ACYP2: variants seen among roughly 807,000 people sequenced by gnomAD.
ACYP2 encodes the protein acylphosphatase-2.
In ACYP2, 12 loss-of-function variants were observed where a neutral mutation model predicts 11.2. The ratio of observed to expected loss-of-function variants is 1.08; its 90% CI spans 0.69 to 1.74. The LOEUF is 1.74. Among genes scored for constraint, ACYP2 ranks in the 40% most tolerant of loss-of-function variants. The pLI is 0.00. For synonymous variants in ACYP2, 43 were observed against 32.2 expected (o/e 1.33, Z -1.13); for missense variants, 134 against 101.9 (o/e 1.31, Z -1.35).
intron 4 of ACYP2, among the ~76,000 whole-genome samples, chr2:54,066,505 A>C (rs193258359): frequency 2.0e-5 from 3 of 152,324 alleles, no homozygotes; most frequent in African/African-American, 7.2e-5. Context: ...TCCAATAAGG[A>C]AATTGAGGTT....
rs74706226 is a variant in ACYP2, at chr2:54,229,628, A to G, written c.405-75060A>G. Among the ~76,000 whole-genome samples the G allele has an allele frequency of 7.8e-3, 1,184 of 152,308 alleles. 14 individuals carry two copies. Among genetic ancestry groups the G allele is most frequent in the African/African-American group, 0.027 (1,140 of 41,576 alleles). On this transcript the variant is annotated intron_variant, in intron 6 of 6. Coordinates refer to ENST00000607452, the MANE Select transcript of ACYP2 (RefSeq NM_001320586.2). ...TCTTTTTTCTGTGAAAGAGAAAAAC[A>G]AAAACATTTTATTTTGTTTTCTTTC...
chr2:54,025,279 A>T (rs935009873), intron 2 of ACYP2, among the ~76,000 whole-genome samples: 1 of 152,204 alleles, frequency 6.6e-6, no homozygotes, highest in Non-Finnish European at 1.5e-5. Context: ...CCAAAGCAAG[A>T]CTAAGCAAAA....
rs192178385 is a variant in ACYP2 at position 54,157,739 on chromosome 2, C to A, written c.404+18991C>A. 3.2e-4 allele frequency among the ~76,000 whole-genome samples: 48 copies of A among 152,292 alleles called. 1 individual carries two copies. In the East Asian group the frequency reaches 7.7e-3, roughly 25 times the overall value. On this transcript the variant is annotated intron_variant, in intron 6 of 6. Transcript: ENST00000607452. The stretch of plus-strand genomic sequence containing the variant: ...GTGCCGTGAAGGCAATAAATAAGGT[C>A]TTGCAGAAGAGAGTGGTGGTTTTCC...
chr2:54,146,904 C>G (rs1681919883), intron 6 of ACYP2, among the ~76,000 whole-genome samples: 3 of 151,790 alleles, frequency 2.0e-5, no homozygotes, highest in Admixed American at 2.0e-4. Context: ...AAGCAGTTCT[C>G]CTGCCTCAGC....
chr2:54,097,879 TC>T (rs1378800927), intron 4 of ACYP2, among the ~76,000 whole-genome samples: 2 of 142,566 alleles, frequency 1.4e-5, no homozygotes, highest in East Asian at 3.9e-4. Flanking sequence ...TTTCTCTCTC[TC>T]TCTCTCCCCT....
chr2:54,045,706 C>T (rs1460973443), intron 2 of ACYP2, among the ~76,000 whole-genome samples: 1 of 152,090 alleles, frequency 6.6e-6, no homozygotes, highest in Non-Finnish European at 1.5e-5. Context: ...GTCCCAGCTA[C>T]TCGGGAGGCT....
intron 6 of ACYP2, among the ~76,000 whole-genome samples, chr2:54,191,807 T>C (rs1157509831): frequency 6.6e-6 from 1 of 152,216 alleles, no homozygotes; most frequent in Non-Finnish European, 1.5e-5. Flanking sequence ...CATCTTAACC[T>C]GCTTCATTTT....
intron 6 of ACYP2, among the ~76,000 whole-genome samples, chr2:54,234,286 T>C (rs572623073): frequency 6.6e-6 from 1 of 152,318 alleles, no homozygotes; most frequent in Admixed American, 6.5e-5. Context: ...ACAAGCAAAA[T>C]GCTTTGAGCA....
In ACYP2 at chr2:54,050,959, T is replaced by TA. The variant is rs760732104; in HGVS notation, c.65dup (p.Tyr22Ter). The TA allele has an allele frequency of 1.4e-4, 57 of 409,376 alleles. No individual in the cohort carries two copies. The highest frequency in any genetic ancestry group is 2.4e-4 in the Non-Finnish European group (55 of 233,304). The allele number at this position is 409,376 out of a possible 1,614,324, so 25.4% of individuals were successfully genotyped here. Residue 22 changes from tyrosine (Y) to a stop codon, truncating the protein, a stop_gained and frameshift_variant and splice_region_variant, in exon 3 of 7, where the codon TAC (tyrosine) becomes TAAC (stop). Coordinates refer to ENST00000607452, the MANE Select transcript of ACYP2 (RefSeq NM_001320586.2). LOFTEE classifies it high-confidence loss of function. ...TTAAATTTTTTTCTTTTTTTGTAGA[T>TA]ACAAGGTCTCGCTGTTCTACCTAGG...
intron 2 of ACYP2, among the ~76,000 whole-genome samples, chr2:54,037,684 A>C (rs1053741915): frequency 7.2e-5 from 11 of 152,222 alleles, no homozygotes; most frequent in African/African-American, 2.4e-4. Flanking sequence ...CTGGGATTAC[A>C]GGGGTGAGCC....
chr2:54,284,194 T>C (rs1688976945), intron 6 of ACYP2, among the ~76,000 whole-genome samples: 1 of 152,210 alleles, frequency 6.6e-6, no homozygotes, highest in Admixed American at 6.5e-5. Flanking sequence ...GCCAGACTCA[T>C]AAAAAGCATC....
chr2:54,074,239 G>A (rs1203911200), intron 4 of ACYP2, among the ~76,000 whole-genome samples: 1 of 152,156 alleles, frequency 6.6e-6, no homozygotes, highest in Non-Finnish European at 1.5e-5. Flanking sequence ...TAGCTACTTA[G>A]TGTGCTGAGG....
At chr2:54,142,010 T>TGTGTGG in intron 6 of ACYP2, 1 of 439,376 alleles carries the variant, frequency 2.3e-6, no homozygotes, top group Non-Finnish European at 4.0e-6. Flanking sequence ...TGTGTGTGTG[T>TGTGTGG]GTATATTTTG....
intron 6 of ACYP2, among the ~76,000 whole-genome samples, chr2:54,250,342 G>A (rs937962402): frequency 3.9e-5 from 6 of 152,150 alleles, no homozygotes; most frequent in Middle Eastern, 3.4e-3. Flanking sequence ...GCGTGGTGGC[G>A]CACGCCTGTA....
intron 6 of ACYP2, among the ~76,000 whole-genome samples, chr2:54,223,882 C>A (rs1400583574): frequency 3.3e-5 from 5 of 151,998 alleles, no homozygotes; most frequent in Non-Finnish European, 7.4e-5. Flanking sequence ...TATAGTAAAA[C>A]TGTGTTTTTA....
chr2:54,098,654 C>A (rs145007202), intron 4 of ACYP2, among the ~76,000 whole-genome samples: 47 of 152,026 alleles, frequency 3.1e-4, no homozygotes, highest in African/African-American at 1.1e-3. Flanking sequence ...TGTCCTGCCT[C>A]CCTTCTCCCA....
At chr2:54,251,421 T>C (rs542681506) in intron 6 of ACYP2, among the ~76,000 whole-genome samples, 1 of 152,312 alleles carries the variant, frequency 6.6e-6, no homozygotes, top group Non-Finnish European at 1.5e-5. Context: ...AATATTAAAG[T>C]ACAATATACA....
intron 6 of ACYP2, among the ~76,000 whole-genome samples, chr2:54,299,411 G>A (rs567740314): frequency 9.2e-5 from 14 of 151,760 alleles, no homozygotes; most frequent in Admixed American, 6.6e-4. Flanking sequence ...GACCAACACA[G>A]TGAAACCCTA....
intron 2 of ACYP2, among the ~76,000 whole-genome samples, chr2:54,001,363 G>A (rs538120512): frequency 5.9e-5 from 9 of 151,822 alleles, no homozygotes; most frequent in Non-Finnish European, 8.8e-5. Context: ...GTGAGACCTC[G>A]TCTCTAAAAA....
Sources: gnomAD v4.1 joint callset for allele counts (sites outside exome capture counted in the v4.1 genomes callset) on GRCh38, gnomAD v4.1.1 for gene constraint, MANE v1.5 for transcripts, NCBI Gene and HGNC (gene_info 2026-07-23, HGNC 2026-07-21) for gene names.